Variants in ACAD8 observed in about 807,000 individuals in gnomAD.
The protein encoded by ACAD8 is acyl-CoA dehydrogenase family member 8.
A neutral mutation model predicts 53.1 loss-of-function variants in ACAD8; 47 were observed. The observed-to-expected ratio is 0.89, with a 90% CI of 0.70 to 1.13. The LOEUF (loss-of-function observed/expected upper bound fraction) is 1.13. Among genes scored for constraint, ACAD8 ranks in the 50% most tolerant of loss-of-function variants. ACAD8 has a pLI of 0.00. For synonymous variants in ACAD8, 198 were observed against 201.3 expected (o/e 0.98, Z 0.14); for missense variants, 494 against 535.0 (o/e 0.92, Z 0.76).
In ACAD8 at chr11:134,264,979, C is replaced by A. The variant is rs1940105332; in HGVS notation, c.*19C>A. The A allele has an allele frequency of 3.1e-6, 5 of 1,613,394 alleles. No homozygotes were observed. Among genetic ancestry groups the A allele is most frequent in the Non-Finnish European group, 4.2e-6 (5 of 1,179,324 alleles). On this transcript the variant is annotated 3_prime_UTR_variant, in exon 11 of 11. Coordinates refer to ENST00000281182, the MANE Select transcript of ACAD8 (RefSeq NM_014384.3). ...GGAGTAGAACCCACACTTGTTCTGG[C>A]CTGGTGTTCAGTGCGACTGCAGTCA...
intron 3 of ACAD8, chr11:134,258,140 G>A (rs1939654574): frequency 1.2e-5 from 4 of 335,720 alleles, no homozygotes; most frequent in Non-Finnish European, 2.3e-5. Context: ...GTGAGCCACC[G>A]CACCCGGCCC....
chr11:134,254,648 G>T (rs184681961), intron 1 of ACAD8, among the ~76,000 whole-genome samples: 51 of 152,314 alleles, frequency 3.3e-4, no homozygotes, highest in Admixed American at 3.1e-3. Flanking sequence ...CTAGCGCTTA[G>T]AATTTGATAA....
chr11:134,262,791 G>A (rs1301780015), intron 10 of ACAD8, 169 bp downstream of exon 10: 1 of 1,495,148 alleles, frequency 6.7e-7, no homozygotes, highest in Non-Finnish European at 8.9e-7. Flanking sequence ...CAGGGGCCTG[G>A]AGTCCAGAGC....
In ACAD8 at chr11:134,259,682, C is replaced by T. The variant is rs757158583; in HGVS notation, c.642C>T (p.Gly214=). The change falls in exon 6 of 11, where the codon GGC becomes GGT. Residue 214 remains glycine (G), a synonymous_variant. Coordinates refer to ENST00000281182, the MANE Select transcript of ACAD8 (RefSeq NM_014384.3). ...GAACAGGAGGACCAGGCCCCAAGGG[C>T]ATCTCATGCATAGTTGTTGAGAAGG... ...MCRTGGPGPK[G]ISCIVVEKGT... 1 of 1,614,202 alleles carries T rather than the reference C, an allele frequency of 6.2e-7. No homozygotes were observed. Among genetic ancestry groups the T allele is most frequent in the Admixed American group, 1.7e-5 (1 of 60,024 alleles).
rs1940117747 is a variant in ACAD8 at position 134,265,275 on chromosome 11, CT to C, written c.*317del. 1.2e-5 allele frequency: 5 copies of C among 421,564 alleles called. No individual in the cohort carries two copies. The highest frequency in any genetic ancestry group is 2.1e-5 in the Non-Finnish European group (5 of 232,688). 26.1% of individuals were successfully genotyped at this position (421,564 alleles called of 1,614,324 possible). ...AAGTCCTTTCTTGGATCCACTTTAT[CT>C]TGATTAGTCTGCATTTTACTAGTTC... is the stretch of plus-strand genomic sequence containing the variant. On this transcript the variant is annotated 3_prime_UTR_variant, in exon 11 of 11. Coordinates refer to ENST00000281182, the MANE Select transcript of ACAD8 (RefSeq NM_014384.3).
At chr11:134,255,090 T>C (rs1038330145) in intron 1 of ACAD8, among the ~76,000 whole-genome samples, 3 of 152,256 alleles carry the variant, frequency 2.0e-5, no homozygotes, top group African/African-American at 7.2e-5. Context: ...TAACATTTAA[T>C]GAGCTCTTGC....
At position 134,261,748 on chromosome 11, in the gene ACAD8, T is replaced by G. The variant is rs780386471; in HGVS notation, c.950T>G (p.Phe317Cys). The G allele has an allele frequency of 6.2e-7, 1 of 1,613,670 alleles. No homozygotes were observed. The highest frequency in any genetic ancestry group is 8.5e-7 in the Non-Finnish European group (1 of 1,180,034). ...EPLASNQYLQ[F>C]TLADMATRLV... ...CTCCCTGTGCTGCAGTACTTGCAATTCACACTGGCTGATATGGCAACAAGG... is the reference window on the plus strand; with the variant it reads ...CTCCCTGTGCTGCAGTACTTGCAATGCACACTGGCTGATATGGCAACAAGG... The change falls in exon 9 of 11, where the codon TTC becomes TGC. Residue 317 changes from phenylalanine (F) to cysteine (C), a missense_variant. Transcript: ENST00000281182. This position sits in a 1 kb window ranked among gnomAD's most constrained non-coding sequence, Gnocchi z 4.2.
chr11:134,260,999 C>T (rs1939836140), intron 6 of ACAD8, 45 bp from the exon 7 acceptor site: 4 of 1,605,516 alleles, frequency 2.5e-6, no homozygotes, highest in South Asian at 1.1e-5. Flanking sequence ...GGCCGCCCTA[C>T]CTGCTGGATT....
At chr11:134,264,365 G>A (rs751148889) in intron 10 of ACAD8, among the ~76,000 whole-genome samples, 3 of 151,688 alleles carry the variant, frequency 2.0e-5, no homozygotes, top group East Asian at 1.9e-4. Context: ...AAAATTAGCC[G>A]GGCCTGGTGG....
chr11:134,265,138 C>T lies in ACAD8; in HGVS notation c.*178C>T, dbSNP rs1315558401. 1.5e-6 allele frequency: 1 copy of T among 672,346 alleles called. No individual in the cohort carries two copies. The highest frequency in any genetic ancestry group is 2.4e-5 in the Admixed American group (1 of 41,522). 41.6% of individuals were successfully genotyped at this position (672,346 alleles called of 1,614,324 possible). ...ATCGGGTCTTGGACTGGGGCAGAAT[C>T]CCCAGTGGAACCGGAAGAGCTGGAC... On this transcript the variant is annotated 3_prime_UTR_variant, in exon 11 of 11. Transcript: ENST00000281182.
intron 1 of ACAD8, among the ~76,000 whole-genome samples, chr11:134,255,176 G>C (rs184772182): frequency 3.3e-5 from 5 of 152,072 alleles, no homozygotes; most frequent in South Asian, 4.1e-4. Flanking sequence ...TCTTTCTGTT[G>C]CCCAGGCTGG....
Position 134,259,650 on chromosome 11 carries a change from A to G in ACAD8, c.610A>G (p.Met204Val). ...TGGTGAGTCAGACATCTATGTGGTC[A>G]TGTGCCGAACAGGAGGACCAGGCCC... ...GAGESDIYVV[M>V]CRTGGPGPKG... The change falls in exon 6 of 11, where the codon ATG becomes GTG. Residue 204 changes from methionine to valine, a missense_variant. Coordinates refer to ENST00000281182, the MANE Select transcript of ACAD8 (RefSeq NM_014384.3). 2 of 1,614,216 alleles carry G rather than the reference A, an allele frequency of 1.2e-6. No individual in the cohort carries two copies. Among genetic ancestry groups the G allele is most frequent in the Non-Finnish European group, 1.7e-6 (2 of 1,180,040 alleles).
At position 134,265,029 on chromosome 11, in the gene ACAD8, G is replaced by A. The variant is rs371730378; in HGVS notation, c.*69G>A. ...AGTGTTGAGTGGTGCCATGTGGGCC[G>A]CTCTATTCCAAAGGAATCATGGATT... is the stretch of plus-strand genomic sequence containing the variant. On this transcript the variant is annotated 3_prime_UTR_variant, in exon 11 of 11. Coordinates refer to ENST00000281182, the MANE Select transcript of ACAD8 (RefSeq NM_014384.3). 6.4e-5 allele frequency: 97 copies of A among 1,513,978 alleles called. 1 individual carries two copies. Among genetic ancestry groups the A allele is most frequent in the South Asian group, 4.7e-4 (42 of 89,028 alleles). 93.8% of individuals were successfully genotyped at this position (1,513,978 alleles called of 1,614,324 possible).
In ACAD8 at chr11:134,265,408, G is replaced by A. The variant is rs569514864; in HGVS notation, c.*448G>A. 23 of 179,604 alleles carry A rather than the reference G, an allele frequency of 1.3e-4. No homozygotes were observed. The highest frequency in any genetic ancestry group is 2.8e-4 in the African/African-American group (12 of 42,458). The allele number at this position is 179,604 out of a possible 1,614,324, so 11.1% of individuals were successfully genotyped here. A position where few individuals can be genotyped will look rare whatever the true frequency, so the allele number is the denominator to read the frequency against. On this transcript the variant is annotated 3_prime_UTR_variant, in exon 11 of 11. Transcript: ENST00000281182. ...GGAGGAATGCCCTCCTGTCTGTGTC[G>A]TTCTCTGTGCCACAGCTACAGATGC...
intron 10 of ACAD8, chr11:134,262,825 G>A (rs1939970946): frequency 1.0e-5 from 15 of 1,455,458 alleles, no homozygotes; most frequent in Middle Eastern, 1.8e-4. Context: ...CTTTCGGGGG[G>A]CCTCAGATCG....
At chr11:134,260,336 A>C (rs997986814) in intron 6 of ACAD8, 1 of 319,682 alleles carries the variant, frequency 3.1e-6, no homozygotes, top group South Asian at 8.0e-5. Flanking sequence ...CAGATTTTTT[A>C]GACCAGATGC....
intron 5 of ACAD8, 29 bp downstream of exon 5, chr11:134,259,113 T>C: frequency 6.2e-7 from 1 of 1,600,332 alleles, no homozygotes. Flanking sequence ...CCAGAGCACT[T>C]TGGAGATTGT....
At position 134,253,569 on chromosome 11, in the gene ACAD8, G is replaced by A; in HGVS notation, c.-32G>A. 1.3e-6 allele frequency: 2 copies of A among 1,552,884 alleles called. No homozygotes were observed. The highest frequency in any genetic ancestry group is 8.7e-7 in the Non-Finnish European group (1 of 1,151,976). ...GCGCAACGGAGGTCGAAGGCGTTCA[G>A]ACTCTTAGCTGAACGCGGAGCTGCG... On this transcript the variant is annotated 5_prime_UTR_variant, in exon 1 of 11. Transcript: ENST00000281182.
intron 2 of ACAD8, 194 bp downstream of exon 2, chr11:134,256,842 G>C (rs1400139844): frequency 1.5e-6 from 1 of 667,462 alleles, no homozygotes; most frequent in Non-Finnish European, 2.5e-6. Context: ...TTTTTTGTTA[G>C]TTGAATAAAG....
Sources: allele counts gnomAD v4.1 joint callset (sites outside exome capture counted in the v4.1 genomes callset), GRCh38; gene constraint gnomAD v4.1.1; non-coding constraint Gnocchi (gnomAD v3.1); transcripts MANE v1.5; gene names NCBI Gene and HGNC (gene_info 2026-07-23, HGNC 2026-07-21).